The following LDLRAD4 variants were observed in gnomAD, a reference collection of about 807,000 sequenced individuals.
The protein encoded by LDLRAD4 is low density lipoprotein receptor class A domain containing 4.
A neutral mutation model predicts 17.0 loss-of-function variants in LDLRAD4; 5 were observed. The ratio of observed to expected loss-of-function variants is 0.29; its 90% CI spans 0.15 to 0.62. The LOEUF (loss-of-function observed/expected upper bound fraction) is 0.62, where lower values mean the gene tolerates loss of function less well. LDLRAD4 is among the 20% of genes least tolerant of loss of function. The probability of loss-of-function intolerance (pLI) is 0.84; values close to 1 mark genes in which losing one functional copy is unlikely to be tolerated. For missense variants in LDLRAD4, 340 were observed against 424.7 expected, an observed-to-expected ratio of 0.80 and a Z score of 1.75; for synonymous variants, 168 against 171.8, an observed-to-expected ratio of 0.98 and a Z score of 0.17.
At chr18:13,425,653 C>G (rs953926354) in intron 2 of LDLRAD4, among the ~76,000 whole-genome samples, 2 of 152,216 alleles carry the variant, frequency 1.3e-5, no homozygotes, top group Non-Finnish European at 2.9e-5. Context: ...CAGAGCAGAG[C>G]TGGCCTCAGC....
In LDLRAD4 at chr18:13,564,169, G is replaced by A. The variant is rs139701972; in HGVS notation, c.182-56948G>A. Among the ~76,000 whole-genome samples, 409 of 152,330 alleles carry A rather than the reference G, an allele frequency of 2.7e-3. 1 individual carries two copies. The highest frequency in any genetic ancestry group is 9.0e-3 in the African/African-American group (373 of 41,562). On this transcript the variant is annotated intron_variant, in intron 3 of 5. Coordinates refer to ENST00000359446, the Ensembl canonical transcript of LDLRAD4. ...ATTGTTGGTATTATAGGCGTGAGTC[G>A]ACAGGCTCCGGCATAGGCCATTTTC...
Position 13,604,579 on chromosome 18 carries a change from G to A in LDLRAD4, c.182-16538G>A, listed in dbSNP as rs571173709. ...TAACTCCTGAGTTAATAAACATCTC[G>A]AGCCTCATTTTCTGTGGTGTACCCA... On this transcript the variant is annotated intron_variant, in intron 3 of 5. Coordinates refer to ENST00000359446, the Ensembl canonical transcript of LDLRAD4. Among the ~76,000 whole-genome samples, 5 of 152,220 alleles carry A rather than the reference G, an allele frequency of 3.3e-5. No homozygotes were observed. In the South Asian group the frequency reaches 6.2e-4, roughly 19 times the overall value.
At chr18:13,518,215 C>G (rs2093899196) in intron 3 of LDLRAD4, among the ~76,000 whole-genome samples, 1 of 152,186 alleles carries the variant, frequency 6.6e-6, no homozygotes, top group African/African-American at 2.4e-5. Context: ...GCTTCCCACT[C>G]TGTCCTCTGC....
intron 1 of LDLRAD4, among the ~76,000 whole-genome samples, chr18:13,254,825 G>A (rs372621998): frequency 2.0e-5 from 3 of 152,158 alleles, no homozygotes; most frequent in African/African-American, 7.2e-5. Context: ...TTAGCTGGGC[G>A]TAGTGGCACT....
Position 13,281,057 on chromosome 18 carries a change from G to A in LDLRAD4, c.-383+2869G>A, listed in dbSNP as rs148331131. On this transcript the variant is annotated intron_variant, in intron 1 of 5. Coordinates refer to ENST00000359446, the Ensembl canonical transcript of LDLRAD4. ...TCCTGCTTATTTTCACCAGATGTGT[G>A]TATAAAGTGATCTTCGGCACCGTGC... Among the ~76,000 whole-genome samples, 179 of 152,322 alleles carry A rather than the reference G, an allele frequency of 1.2e-3. 2 individuals are homozygous for A. The East Asian group carries it at 0.027, about 23-fold the overall frequency.
chr18:13,589,604 T>C (rs2094983008), intron 3 of LDLRAD4, among the ~76,000 whole-genome samples: 1 of 152,182 alleles, frequency 6.6e-6, no homozygotes, highest in South Asian at 2.1e-4. Flanking sequence ...CCCTGTGGCC[T>C]TGGACTCCCA....
In LDLRAD4 at chr18:13,645,403, A is replaced by T. The variant is rs1449855419; in HGVS notation, c.667A>T (p.Met223Leu). The T allele has an allele frequency of 1.9e-6, 3 of 1,614,070 alleles. No homozygotes were observed. The African/African-American group carries it at 4.0e-5, about 22-fold the overall frequency. ...TGACAGTGATTTAATAGACATTGCTATGTATAGCGGGGGTCCATGCCCACC... is the reference window on the plus strand; with the variant it reads ...TGACAGTGATTTAATAGACATTGCTTTGTATAGCGGGGGTCCATGCCCACC... Residue 223 changes from methionine (M) to leucine (L), a missense_variant, in exon 6 of 6, where the codon ATG (methionine) becomes TTG (leucine). Physicochemically the swap from Met to Leu is conservative, Grantham distance 15. Transcript: ENST00000359446. The surrounding 1 kb of genome is among the most constrained non-coding windows in gnomAD (Gnocchi z 5.7).
chr18:13,592,033 G>T (rs892987311), intron 3 of LDLRAD4, among the ~76,000 whole-genome samples: 4 of 152,186 alleles, frequency 2.6e-5, no homozygotes, highest in African/African-American at 9.7e-5. Context: ...CTCAGACAGA[G>T]CCAAAGGTGC....
At chr18:13,643,436 G>C in intron 5 of LDLRAD4, 24 bp downstream of exon 6, 1 of 918,220 alleles carries the variant, frequency 1.1e-6, no homozygotes, top group African/African-American at 1.8e-5. Context: ...GGAGGTGATG[G>C]CTGCGGGGGG....
At chr18:13,590,083 G>T (rs1049502757) in intron 3 of LDLRAD4, among the ~76,000 whole-genome samples, 4 of 151,492 alleles carry the variant, frequency 2.6e-5, no homozygotes, top group African/African-American at 9.8e-5. Flanking sequence ...GGGTGTGCAT[G>T]TGTGGGTGTG....
chr18:13,474,207 T>C (rs1345116118), intron 3 of LDLRAD4, among the ~76,000 whole-genome samples: 2 of 152,186 alleles, frequency 1.3e-5, no homozygotes, highest in Non-Finnish European at 2.9e-5. Flanking sequence ...TGCAGAACTG[T>C]GAGCCAGTTA....
At chr18:13,292,385 C>T (rs2046015085) in intron 1 of LDLRAD4, among the ~76,000 whole-genome samples, 1 of 152,186 alleles carries the variant, frequency 6.6e-6, no homozygotes, top group African/African-American at 2.4e-5. Context: ...GGTTATGTGG[C>T]TTGAGATGAT....
At chr18:13,438,434 C>G (rs753594371) in intron 3 of LDLRAD4, 50 bp downstream of exon 4, 3 of 1,536,062 alleles carry the variant, frequency 2.0e-6, no homozygotes, top group Non-Finnish European at 2.7e-6. Flanking sequence ...GGTTCTGAAA[C>G]GGTTAGGAGG....
chr18:13,365,071 G>A (rs2083956141), intron 1 of LDLRAD4, among the ~76,000 whole-genome samples: 1 of 152,218 alleles, frequency 6.6e-6, no homozygotes, highest in South Asian at 2.1e-4. Context: ...CAGACAGTGG[G>A]AGTGATGGAG....
rs77962967 is a variant in LDLRAD4, at chr18:13,608,899, G to C, written c.182-12218G>C. Among the ~76,000 whole-genome samples, 1,175 of 152,336 alleles carry C rather than the reference G, an allele frequency of 7.7e-3. 15 individuals carry two copies. The highest frequency in any genetic ancestry group is 0.027 in the African/African-American group (1,130 of 41,570). The stretch of plus-strand genomic sequence containing the variant: ...AGGAAACCTTGAAGAGATATCGTTA[G>C]AATCTCAAGTCCTTGTTGCTACCAA... On this transcript the variant is annotated intron_variant, in intron 3 of 5. Transcript: ENST00000359446.
chr18:13,439,317 A>G (rs188184123), intron 3 of LDLRAD4, among the ~76,000 whole-genome samples: 2 of 152,334 alleles, frequency 1.3e-5, no homozygotes, highest in East Asian at 1.9e-4. Flanking sequence ...CTGTATTCCT[A>G]CTGTATTTTT....
chr18:13,572,913 C>T (rs1281872040), intron 3 of LDLRAD4, among the ~76,000 whole-genome samples: 1 of 152,136 alleles, frequency 6.6e-6, no homozygotes, highest in Non-Finnish European at 1.5e-5. Flanking sequence ...GTGGCGCAGG[C>T]GAGACTGCCA....
chr18:13,386,953 T>TA (rs1270289938), intron 1 of LDLRAD4, among the ~76,000 whole-genome samples: 1 of 90,140 alleles, frequency 1.1e-5, no homozygotes, highest in East Asian at 3.1e-4. Context: ...GATAGATGGA[T>TA]GGATGGATAG....
intron 3 of LDLRAD4, chr18:13,472,415 TC>T (rs1418219196): frequency 6.6e-6 from 1 of 152,264 alleles, no homozygotes; most frequent in East Asian, 1.9e-4. Context: ...CATGAAATGC[TC>T]CAGCATAACA....
Sources: gnomAD v4.1 joint callset for allele counts (sites outside exome capture counted in the v4.1 genomes callset) on GRCh38, gnomAD v4.1.1 for gene constraint, Gnocchi (gnomAD v3.1) non-coding constraint, MANE v1.5 for transcripts, NCBI Gene and HGNC (gene_info 2026-07-23, HGNC 2026-07-21) for gene names.